Variants in PREX2 observed in about 807,000 individuals in gnomAD.
The protein encoded by PREX2 is phosphatidylinositol-3,4,5-trisphosphate dependent Rac exchange factor 2, also known as phosphatidylinositol 3,4,5-trisphosphate-dependent Rac exchanger 2 protein.
A neutral mutation model predicts 203.2 loss-of-function variants in PREX2; 107 were observed. The observed-to-expected ratio is 0.53, with a 90% CI of 0.45 to 0.62. The LOEUF is 0.62. Among genes scored for constraint, PREX2 ranks in the 20% least tolerant of loss-of-function variants. The pLI is 0.00. For synonymous variants in PREX2, 672 were observed against 663.6 expected, an observed-to-expected ratio of 1.01 and a Z score of -0.19; for missense variants, 1,777 against 1,955.9, an observed-to-expected ratio of 0.91 and a Z score of 1.72.
At chr8:68,019,893 C>G (rs536980602) in intron 3 of PREX2, among the ~76,000 whole-genome samples, 1 of 152,130 alleles carries the variant, frequency 6.6e-6, no homozygotes. Flanking sequence ...TTCTTTTCCC[C>G]GACAAGTTAG....
At chr8:67,957,290 A>G (rs1585652100) in intron 1 of PREX2, among the ~76,000 whole-genome samples, 1 of 129,834 alleles carries the variant, frequency 7.7e-6, no homozygotes, top group South Asian at 2.9e-4. Flanking sequence ...AGAAAACTTT[A>G]TATTCCAGGT....
chr8:68,229,319 A>G (rs768220258), intron 39 of PREX2, among the ~76,000 whole-genome samples: 5 of 152,202 alleles, frequency 3.3e-5, no homozygotes, highest in African/African-American at 4.8e-5. Flanking sequence ...ATGAGTATAC[A>G]AAAGGGCCCC....
At chr8:68,102,975 A>T in intron 23 of PREX2, 1 of 515,436 alleles carries the variant, frequency 1.9e-6, no homozygotes, top group East Asian at 5.5e-5. Context: ...TTCTCCTTAA[A>T]TTGTCCTGGA....
chr8:68,128,517 G>A (rs1320618017), intron 31 of PREX2, among the ~76,000 whole-genome samples: 1 of 152,092 alleles, frequency 6.6e-6, no homozygotes, highest in African/African-American at 2.4e-5. Flanking sequence ...TCAGGTGGTG[G>A]GTTGGCTAGG....
chr8:68,215,563 G>A (rs745752295), intron 37 of PREX2, among the ~76,000 whole-genome samples: 2 of 151,758 alleles, frequency 1.3e-5, no homozygotes, highest in African/African-American at 2.4e-5. Flanking sequence ...TTGAGACAGA[G>A]TCTCGCTGTC....
In PREX2 at chr8:68,090,724, C is replaced by T. The variant is rs759862172; in HGVS notation, c.2250+9C>T. ...ACAGGCGGCCAACGAAGGTAAGTGG[C>T]CCTTCAGATAATCTGGATCTGAGTG... is the stretch of plus-strand genomic sequence containing the variant. On this transcript the variant is annotated intron_variant, in intron 20 of 39. Transcript: ENST00000288368. The T allele has an allele frequency of 3.1e-6, 5 of 1,611,570 alleles. No homozygotes were observed. Among genetic ancestry groups the T allele is most frequent in the South Asian group, 2.2e-5 (2 of 90,924 alleles).
At chr8:68,184,689 C>T (rs189774472) in intron 35 of PREX2, among the ~76,000 whole-genome samples, 27 of 152,148 alleles carry the variant, frequency 1.8e-4, no homozygotes, top group Non-Finnish European at 2.8e-4. Flanking sequence ...TTACAAAGCA[C>T]GAGGCTCTTA....
intron 37 of PREX2, among the ~76,000 whole-genome samples, chr8:68,213,956 G>C (rs1310720203): frequency 6.6e-6 from 1 of 152,118 alleles, no homozygotes; most frequent in Non-Finnish European, 1.5e-5. Flanking sequence ...AGAATTGTGT[G>C]AATATTTTTT....
intron 28 of PREX2, 90 bp downstream of exon 28, chr8:68,119,604 A>T: frequency 1.1e-6 from 1 of 890,460 alleles, no homozygotes; most frequent in Non-Finnish European, 1.9e-6. Context: ...TCAGAGTTAG[A>T]ACAGAAAGGC....
chr8:67,983,099 C>T (rs902876004), intron 1 of PREX2, among the ~76,000 whole-genome samples: 1 of 152,126 alleles, frequency 6.6e-6, no homozygotes, highest in African/African-American at 2.4e-5. Context: ...TTTATATGGG[C>T]CATAGTGGTG....
chr8:68,222,400 G>A (rs1812970050), intron 38 of PREX2, among the ~76,000 whole-genome samples: 2 of 143,406 alleles, frequency 1.4e-5, no homozygotes, highest in Non-Finnish European at 1.5e-5. Context: ...CAACCAGAAA[G>A]AGCTCCCAGT....
chr8:68,198,525 T>A (rs1302506554), intron 37 of PREX2, among the ~76,000 whole-genome samples: 8 of 152,232 alleles, frequency 5.3e-5, no homozygotes, highest in African/African-American at 1.9e-4. Flanking sequence ...ATGTGGTGTT[T>A]TAATTTGTTT....
intron 1 of PREX2, among the ~76,000 whole-genome samples, chr8:67,969,195 G>A (rs1233843180): frequency 3.3e-5 from 5 of 152,186 alleles, no homozygotes; most frequent in Non-Finnish European, 5.9e-5. Context: ...CGCGTTTAGA[G>A]TTTGGTCTAA....
At position 68,097,080 on chromosome 8, in the gene PREX2, C is replaced by G; in HGVS notation, c.2432C>G (p.Thr811Arg). ...IDGKKEHVSL[T>R]VDNVHLEYGV... The stretch of plus-strand genomic sequence containing the variant: ...GGGAAGAAGGAGCATGTGAGTCTGA[C>G]AGTGGACAATGTCCACCTGGAATAT... Residue 811 changes from threonine to arginine, a missense_variant, in exon 22 of 40, where the codon ACA (threonine) becomes AGA (arginine). Thr to Arg is a moderately conservative substitution (Grantham distance 71, BLOSUM62 -1). Transcript: ENST00000288368. 6.2e-7 allele frequency: 1 copy of G among 1,613,734 alleles called. No homozygotes were observed. Among genetic ancestry groups the G allele is most frequent in the Non-Finnish European group, 8.5e-7 (1 of 1,179,706 alleles).
Position 68,068,223 on chromosome 8 carries a change from T to G in PREX2, c.1340-810T>G, listed in dbSNP as rs563258047. Among the ~76,000 whole-genome samples, 24 of 152,144 alleles carry G rather than the reference T, an allele frequency of 1.6e-4. No homozygotes were observed. In the Middle Eastern group the frequency reaches 0.01, roughly 65 times the overall value. On this transcript the variant is annotated intron_variant, in intron 11 of 39. Coordinates refer to ENST00000288368, the MANE Select transcript of PREX2 (RefSeq NM_024870.4). Reference sequence around the variant, plus strand: ...CCTTGTAAAATAAGTTTTGGAAGTGTTCCTTTATCTTTTATTTTTGGAAGA... The same window carrying G: ...CCTTGTAAAATAAGTTTTGGAAGTGGTCCTTTATCTTTTATTTTTGGAAGA...
Position 68,108,315 on chromosome 8 carries a change from C to G in PREX2, c.2922C>G (p.Asn974Lys), listed in dbSNP as rs769058397. Reference sequence around the variant, plus strand: ...AGCATAATTCTCATGATAAAGAAAACAAATCTTCGGAGCAAGGTATGCTAG... The same window carrying G: ...AGCATAATTCTCATGATAAAGAAAAGAAATCTTCGGAGCAAGGTATGCTAG... ...SRKHNSHDKE[N>K]KSSEQGKLSP... is the part of the protein sequence containing the mutation. Residue 974 changes from asparagine (N) to lysine (K), a missense_variant, in exon 24 of 40, where the codon AAC (asparagine) becomes AAG (lysine). Transcript: ENST00000288368. 2.4e-5 allele frequency: 39 copies of G among 1,613,118 alleles called. No individual in the cohort carries two copies. Among genetic ancestry groups the G allele is most frequent in the Non-Finnish European group, 3.0e-5 (35 of 1,179,444 alleles).
intron 1 of PREX2, among the ~76,000 whole-genome samples, chr8:67,966,399 G>A (rs1805779682): frequency 6.7e-6 from 1 of 150,090 alleles, no homozygotes; most frequent in African/African-American, 2.5e-5. Context: ...ATTTCCCTTA[G>A]TACTGAATAT....
At chr8:68,027,420 A>T (rs1807760179) in intron 5 of PREX2, 97 bp downstream of exon 5, 3 of 807,848 alleles carry the variant, frequency 3.7e-6, no homozygotes, top group Non-Finnish European at 6.3e-6. Flanking sequence ...CTGATATTCT[A>T]AAGGAAGCGT....
At chr8:68,040,168 A>G (rs1247063311) in intron 7 of PREX2, among the ~76,000 whole-genome samples, 2 of 152,102 alleles carry the variant, frequency 1.3e-5, no homozygotes, top group Non-Finnish European at 2.9e-5. Context: ...AATTGGCACT[A>G]TAGGCGCATG....
Sources: gnomAD v4.1 joint callset for allele counts (sites outside exome capture counted in the v4.1 genomes callset) on GRCh38, gnomAD v4.1.1 for gene constraint, MANE v1.5 for transcripts, NCBI Gene and HGNC (gene_info 2026-07-23, HGNC 2026-07-21) for gene names.